C4orf51: variants seen among roughly 807,000 people sequenced by gnomAD.
The protein encoded by C4orf51 is uncharacterized protein C4orf51.
A neutral mutation model predicts 25.2 loss-of-function variants in C4orf51; 25 were observed. The ratio of observed to expected loss-of-function variants is 0.99; its 90% confidence interval spans 0.72 to 1.39. C4orf51 has a LOEUF of 1.39. C4orf51 is among the 40% of genes most tolerant of loss of function. C4orf51 has a pLI of 0.00. For missense variants in C4orf51, 252 were observed against 239.6 expected (o/e 1.05, Z -0.34); for synonymous variants, 100 against 84.5 (o/e 1.18, Z -1.01).
At chr4:145,733,197 C>T (rs1732593949), downstream of C4orf51, among the ~76,000 whole-genome samples, 1 of 152,058 alleles carries the variant, frequency 6.6e-6, no homozygotes, top group African/African-American at 2.4e-5. Flanking sequence ...CCTCTTCCCG[C>T]TCCTCCCGGC....
At chr4:145,682,282 G>T (rs1202192147) in intron 1 of C4orf51, among the ~76,000 whole-genome samples, 2 of 152,160 alleles carry the variant, frequency 1.3e-5, no homozygotes, top group East Asian at 1.9e-4. Context: ...AGAAGCAAGT[G>T]TTATAAATGA....
downstream of C4orf51, among the ~76,000 whole-genome samples, chr4:145,772,241 G>A (rs113046743): frequency 1.3e-3 from 203 of 152,296 alleles, 1 homozygote; most frequent in African/African-American, 4.6e-3. Flanking sequence ...GTACTGTGTA[G>A]GGCCTGCTCC....
chr4:145,756,417 CCAT>C (rs1448982156), downstream of C4orf51, among the ~76,000 whole-genome samples: 7 of 152,148 alleles, frequency 4.6e-5, no homozygotes, highest in Admixed American at 4.6e-4. Flanking sequence ...GGTCCACACA[CCAT>C]GTTTTCCAGA....
intron 1 of C4orf51, chr4:145,764,830 A>T: frequency 1.1e-6 from 1 of 943,528 alleles, no homozygotes; most frequent in Non-Finnish European, 1.7e-6. Flanking sequence ...GTCTAATTCA[A>T]TCCAGCTAAA....
chr4:145,696,765 G>T (rs903511609), intron 2 of C4orf51, 133 bp downstream of exon 2: 1 of 660,480 alleles, frequency 1.5e-6, no homozygotes, highest in South Asian at 2.0e-5. Context: ...GGGCACTGTG[G>T]CTCACACCTG....
At chr4:145,705,752 C>G (rs971122602) in intron 2 of C4orf51, among the ~76,000 whole-genome samples, 3 of 152,102 alleles carry the variant, frequency 2.0e-5, no homozygotes, top group Non-Finnish European at 2.9e-5. Context: ...GACAGTATCC[C>G]TCACTGATGA....
chr4:145,780,963 G>C, the C4orf51 span, among the ~76,000 whole-genome samples: 1 of 152,166 alleles, frequency 6.6e-6, no homozygotes. Context: ...TCGGGAGGCC[G>C]AGGCAGGGGG....
chr4:145,747,487 T>C (rs1443868135), intron 1 of C4orf51, among the ~76,000 whole-genome samples: 6 of 152,106 alleles, frequency 3.9e-5, no homozygotes, highest in Admixed American at 2.6e-4. Flanking sequence ...ATTCTGTTGA[T>C]ATGATATATT....
chr4:145,746,204 A>G (rs1733364036), intron 1 of C4orf51, among the ~76,000 whole-genome samples: 1 of 151,988 alleles, frequency 6.6e-6, no homozygotes, highest in South Asian at 2.1e-4. Flanking sequence ...TTTGGTGTGG[A>G]GAAGCTTTTA....
chr4:145,680,872 A>G (rs1578904495), intron 1 of C4orf51, among the ~76,000 whole-genome samples: 2 of 152,136 alleles, frequency 1.3e-5, no homozygotes, highest in East Asian at 3.9e-4. Flanking sequence ...TGTTTTCTGT[A>G]AGCCAGGCCC....
chr4:145,731,735 C>T (rs980249457), intron 5 of C4orf51, among the ~76,000 whole-genome samples: 1 of 151,830 alleles, frequency 6.6e-6, no homozygotes, highest in Non-Finnish European at 1.5e-5. Context: ...GTGTGTGCCA[C>T]CACACCCAAC....
At chr4:145,754,998 C>G (rs533586384), downstream of C4orf51, among the ~76,000 whole-genome samples, 1 of 152,188 alleles carries the variant, frequency 6.6e-6, no homozygotes, top group Non-Finnish European at 1.5e-5. Context: ...GCAGAAAAAT[C>G]TTTTTAGTCA....
At position 145,730,005 on chromosome 4, in the gene C4orf51, G is replaced by A. The variant is rs770748667; in HGVS notation, c.501+40G>A. The A allele has an allele frequency of 6.2e-5, 98 of 1,569,836 alleles. 2 individuals carry two copies. In the South Asian group the frequency reaches 1.0e-3, roughly 16 times the overall value. On this transcript the variant is annotated intron_variant, in intron 5 of 5. Transcript: ENST00000438731. ...ACTTGCCATGCAACAGTGGATCTGTGGGGTAGTCAGGAAGCGGGGTTCTGA... is the reference window on the plus strand; with the variant it reads ...ACTTGCCATGCAACAGTGGATCTGTAGGGTAGTCAGGAAGCGGGGTTCTGA...
Position 145,765,112 on chromosome 4 carries a change from G to A in C4orf51, n.167-5876G>A. 1 of 1,613,930 alleles carries A rather than the reference G, an allele frequency of 6.2e-7. No individual in the cohort carries two copies. The highest frequency in any genetic ancestry group is 8.5e-7 in the Non-Finnish European group (1 of 1,179,944). On this transcript the variant is annotated intron_variant and non_coding_transcript_variant, in intron 1 of 1. Coordinates refer to the C4orf51 transcript ENST00000510096. This position sits in a 1 kb window ranked among gnomAD's most constrained non-coding sequence, Gnocchi z 4.7. ...GTGATGAGGTGTATCTGCAGATGAC[G>A]CTCAAACATGTTCTTCGTCTTGCAG...
At chr4:145,703,235 C>G (rs923120014) in intron 2 of C4orf51, among the ~76,000 whole-genome samples, 3 of 151,736 alleles carry the variant, frequency 2.0e-5, no homozygotes, top group Admixed American at 6.6e-5. Flanking sequence ...TAACTGATGA[C>G]ATTACCTTGT....
At chr4:145,712,456 G>T (rs1731183654) in intron 2 of C4orf51, among the ~76,000 whole-genome samples, 1 of 152,206 alleles carries the variant, frequency 6.6e-6, no homozygotes, top group African/African-American at 2.4e-5. Context: ...TATGGAGAAA[G>T]TTTTAGTTGT....
rs1366904031 is a variant in C4orf51, at chr4:145,761,080, A to G, written n.167-9908A>G. On this transcript the variant is annotated intron_variant and non_coding_transcript_variant, in intron 1 of 1. Transcript: ENST00000510096. This position sits in a 1 kb window ranked among gnomAD's most constrained non-coding sequence, Gnocchi z 6.8. ...AGCCTGGGAGGCAGACATAACTGAC[A>G]GGGGAGACAGGAGATTCCGGGAGCT... 3.1e-5 allele frequency: 40 copies of G among 1,289,410 alleles called. No homozygotes were observed. Among genetic ancestry groups the G allele is most frequent in the Non-Finnish European group, 3.5e-5 (35 of 988,672 alleles). 79.9% of individuals were successfully genotyped at this position (1,289,410 alleles called of 1,614,324 possible). A position where few individuals can be genotyped will look rare whatever the true frequency, so the allele number is the denominator to read the frequency against.
chr4:145,698,531 G>C (rs1362181290), intron 2 of C4orf51, among the ~76,000 whole-genome samples: 2 of 152,196 alleles, frequency 1.3e-5, no homozygotes, highest in East Asian at 1.9e-4. Flanking sequence ...TTTTGATAAA[G>C]GGATGTGGAG....
At chr4:145,699,612 G>C (rs184979889) in intron 2 of C4orf51, among the ~76,000 whole-genome samples, 17 of 152,294 alleles carry the variant, frequency 1.1e-4, no homozygotes, top group African/African-American at 4.1e-4. Flanking sequence ...GGACTGGGAA[G>C]GCAGCCTTCC....
Sources: gnomAD v4.1 joint callset for allele counts (sites outside exome capture counted in the v4.1 genomes callset) on GRCh38, gnomAD v4.1.1 for gene constraint, Gnocchi (gnomAD v3.1) non-coding constraint, MANE v1.5 for transcripts, NCBI Gene and HGNC (gene_info 2026-07-23, HGNC 2026-07-21) for gene names.